FER: variants seen among roughly 807,000 people sequenced by gnomAD.
The protein encoded by FER is FER tyrosine kinase.
In FER, 63 loss-of-function variants were observed where a neutral mutation model predicts 111.0. That is an observed-to-expected ratio of 0.57 (90% confidence interval 0.46 to 0.70). The LOEUF is 0.70. Ranked by LOEUF, FER falls within the 30% of genes least tolerant of loss-of-function variation. FER has a pLI of 0.00. For synonymous variants in FER, 327 were observed against 313.9 expected (o/e 1.04, Z -0.44); for missense variants, 914 against 954.0 (o/e 0.96, Z 0.55).
intron 16 of FER, among the ~76,000 whole-genome samples, chr5:109,055,737 T>C (rs1418632611): frequency 6.9e-6 from 1 of 144,056 alleles, no homozygotes; most frequent in African/African-American, 2.6e-5. Flanking sequence ...CAGTGAGCTG[T>C]GATCATGCCA....
intron 10 of FER, chr5:108,924,726 C>T (rs1444000336): frequency 1.6e-6 from 2 of 1,231,944 alleles, no homozygotes; most frequent in South Asian, 4.1e-5. Context: ...GCTCCCAATC[C>T]TGTAAAACAT....
At chr5:108,894,233 G>A (rs1748678011) in intron 9 of FER, 3 of 295,424 alleles carry the variant, frequency 1.0e-5, no homozygotes, top group South Asian at 1.4e-4. Context: ...CCCACAAAAC[G>A]ATCATTAGTA....
chr5:108,865,711 T>A (rs1000501322), intron 5 of FER, among the ~76,000 whole-genome samples: 2 of 151,992 alleles, frequency 1.3e-5, no homozygotes, highest in Non-Finnish European at 2.9e-5. Flanking sequence ...ATATCCAGAA[T>A]CTACAATGAA....
At chr5:108,754,406 C>CAAAAAAA (rs34475850) in intron 1 of FER, among the ~76,000 whole-genome samples, 1 of 86,536 alleles carries the variant, frequency 1.2e-5, no homozygotes, top group African/African-American at 4.3e-5. Flanking sequence ...GTCCCTGTCT[C>CAAAAAAA]AAAAAAAAAA....
Position 109,187,595 on chromosome 5 carries a change from T to C in FER, c.*20T>C, listed in dbSNP as rs994173251. On this transcript the variant is annotated 3_prime_UTR_variant, in exon 20 of 20. Transcript: ENST00000281092. ...ACATAGTGACAGGATGGCGCCAAAC[T>C]CAGCCTTCAGGACTCTGTCCTCCAG... is the stretch of plus-strand genomic sequence containing the variant. 6.2e-7 allele frequency: 1 copy of C among 1,613,714 alleles called. No homozygotes were observed. Among genetic ancestry groups the C allele is most frequent in the Non-Finnish European group, 8.5e-7 (1 of 1,179,910 alleles).
At chr5:109,122,919 TC>T (rs2126511180) in intron 17 of FER, among the ~76,000 whole-genome samples, 1 of 152,300 alleles carries the variant, frequency 6.6e-6, no homozygotes, top group East Asian at 1.9e-4. Context: ...GCACGGAATA[TC>T]TTTTTTCATC....
At chr5:109,183,679 G>T (rs1758542400) in intron 18 of FER, among the ~76,000 whole-genome samples, 1 of 151,976 alleles carries the variant, frequency 6.6e-6, no homozygotes, top group Admixed American at 6.6e-5. Flanking sequence ...CCAGTCCAAG[G>T]AACCTCTCTG....
At chr5:109,060,787 T>TATATATAC (rs571418220) in intron 16 of FER, among the ~76,000 whole-genome samples, 291 of 149,798 alleles carry the variant, frequency 1.9e-3, no homozygotes, top group African/African-American at 5.4e-3. Context: ...TATATATATA[T>TATATATAC]ACACACCAAA....
Position 108,867,894 on chromosome 5 carries a change from A to G in FER, c.609A>G (p.Thr203=), listed in dbSNP as rs778681909. The G allele has an allele frequency of 6.2e-7, 1 of 1,613,152 alleles. No individual in the cohort carries two copies. ...QLHQNQYYDI[T]LPLLLDSLQK... Reference sequence around the variant, plus strand: ...ATCAGAATCAGTATTATGATATCACACTTCCCCTGCTTCTGGACTCCTTAC... The same window carrying G: ...ATCAGAATCAGTATTATGATATCACGCTTCCCCTGCTTCTGGACTCCTTAC... The change falls in exon 6 of 20, where the codon ACA becomes ACG. Residue 203 remains threonine, a synonymous_variant. Coordinates refer to ENST00000281092, the MANE Select transcript of FER (RefSeq NM_005246.4).
chr5:108,775,529 A>C (rs1753393647), intron 2 of FER, among the ~76,000 whole-genome samples: 1 of 152,214 alleles, frequency 6.6e-6, no homozygotes, highest in African/African-American at 2.4e-5. Flanking sequence ...TAGTTTAAAA[A>C]TAAAAATATA....
chr5:108,781,520 A>G (rs1379100845), intron 2 of FER, among the ~76,000 whole-genome samples: 1 of 152,156 alleles, frequency 6.6e-6, no homozygotes, highest in Non-Finnish European at 1.5e-5. Context: ...TTTTAGTGTG[A>G]CATATAAATT....
rs373648054 is a variant in FER at position 108,827,680 on chromosome 5, TTTG to T, written c.208-5082_208-5080del. 2.1e-3 allele frequency among the ~76,000 whole-genome samples: 317 copies of T among 152,220 alleles called. 4 individuals carry two copies. The highest frequency in any genetic ancestry group is 6.9e-3 in the African/African-American group (288 of 41,572). The stretch of plus-strand genomic sequence containing the variant: ...TTTCTGGGGTGTTTTCACTTGTCTT[TTTG>T]TTGTTGTGCTGTATTTTATTTCTGT... On this transcript the variant is annotated intron_variant, in intron 3 of 19. Transcript: ENST00000281092.
At chr5:108,830,261 C>A (rs1242455156) in intron 3 of FER, among the ~76,000 whole-genome samples, 2 of 152,050 alleles carry the variant, frequency 1.3e-5, no homozygotes, top group Non-Finnish European at 2.9e-5. Flanking sequence ...CCAGACCAGC[C>A]TGGGCAAAAT....
At chr5:108,819,419 C>T (rs1246770903) in intron 3 of FER, among the ~76,000 whole-genome samples, 1 of 152,078 alleles carries the variant, frequency 6.6e-6, no homozygotes, top group African/African-American at 2.4e-5. Flanking sequence ...AGGTGTAACA[C>T]ATTAAGAATT....
chr5:109,037,583 C>A, intron 14 of FER, 105 bp downstream of exon 14: 2 of 788,268 alleles, frequency 2.5e-6, no homozygotes, highest in Non-Finnish European at 4.3e-6. Context: ...CCACAAGGCA[C>A]ATTACACATT....
chr5:109,022,091 T>C (rs1454944155), intron 13 of FER, among the ~76,000 whole-genome samples: 9 of 152,106 alleles, frequency 5.9e-5, no homozygotes, highest in Admixed American at 4.6e-4. Flanking sequence ...CTCCCTACAG[T>C]TGAGGAGTTT....
intron 17 of FER, among the ~76,000 whole-genome samples, chr5:109,128,696 G>A (rs1752022226): frequency 6.6e-6 from 1 of 152,006 alleles, no homozygotes; most frequent in Non-Finnish European, 1.5e-5. Context: ...TAGTATGTAG[G>A]TGTCAATGTA....
intron 13 of FER, among the ~76,000 whole-genome samples, chr5:109,034,029 A>G (rs1021576170): frequency 1.3e-5 from 2 of 152,164 alleles, no homozygotes; most frequent in Non-Finnish European, 2.9e-5. Flanking sequence ...ATTTTGAAGT[A>G]GAAATACATT....
intron 10 of FER, among the ~76,000 whole-genome samples, chr5:108,909,461 T>C (rs1751249571): frequency 6.6e-6 from 1 of 152,202 alleles, no homozygotes; most frequent in Non-Finnish European, 1.5e-5. Context: ...CTAAGTTTTC[T>C]TGAAAATTCT....
Sources: gnomAD v4.1 joint callset for allele counts (sites outside exome capture counted in the v4.1 genomes callset) on GRCh38, gnomAD v4.1.1 for gene constraint, MANE v1.5 for transcripts, NCBI Gene and HGNC (gene_info 2026-07-23, HGNC 2026-07-21) for gene names.